Variants in HDAC4 observed in about 807,000 individuals in gnomAD.
HDAC4 encodes histone deacetylase A.
In HDAC4, 16 loss-of-function variants were observed where a neutral mutation model predicts 135.1. That is an observed-to-expected ratio of 0.12 (90% confidence interval 0.08 to 0.18). HDAC4 has a LOEUF of 0.18. Among genes scored for constraint, HDAC4 ranks in the 10% least tolerant of loss-of-function variants. The probability of loss-of-function intolerance (pLI) is 1.00; values close to 1 mark genes in which losing one functional copy is unlikely to be tolerated. For missense variants in HDAC4, 1,143 were observed against 1,511.8 expected (o/e 0.76, Z 4.05); for synonymous variants, 685 against 653.4 (o/e 1.05, Z -0.74).
chr2:239,084,033 C>T (rs1427097006), intron 20 of HDAC4, 122 bp downstream of exon 20: 3 of 743,548 alleles, frequency 4.0e-6, no homozygotes, highest in Non-Finnish European at 7.2e-6. Context: ...TCTTTGAGAC[C>T]GTTTCCAGAA....
At chr2:239,176,206 C>T (rs1338199675) in intron 5 of HDAC4, among the ~76,000 whole-genome samples, 1 of 151,742 alleles carries the variant, frequency 6.6e-6, no homozygotes, top group Non-Finnish European at 1.5e-5. Context: ...CTCTGCCCGG[C>T]CTTCTGCGCC....
intron 1 of HDAC4, among the ~76,000 whole-genome samples, chr2:239,388,345 A>G (rs937462456): frequency 2.0e-5 from 3 of 152,204 alleles, no homozygotes; most frequent in Non-Finnish European, 4.4e-5. Flanking sequence ...ATCCCAAAGC[A>G]CATTCCTTCT....
rs535225270 is a variant in HDAC4 at position 239,179,379 on chromosome 2, G to A, written c.340-2816C>T. Among the ~76,000 whole-genome samples the A allele has an allele frequency of 4.7e-4, 72 of 152,324 alleles. 1 individual carries two copies. The South Asian group carries it at 0.014, about 31-fold the overall frequency. On this transcript the variant is annotated intron_variant, in intron 4 of 26. Coordinates refer to ENST00000543185, the MANE Select transcript of HDAC4 (RefSeq NM_001378414.1). The stretch of plus-strand genomic sequence containing the variant: ...AAGTGGCAGGCTAGGGAGCATTCCC[G>A]CCAGAGCTCAAGCTCCTGCTGGATC...
intron 2 of HDAC4, among the ~76,000 whole-genome samples, chr2:239,258,703 C>T (rs1329088909): frequency 2.0e-5 from 3 of 152,090 alleles, no homozygotes; most frequent in Non-Finnish European, 2.9e-5. Flanking sequence ...AGGGTTTACA[C>T]GTGTGGATAT....
intron 1 of HDAC4, among the ~76,000 whole-genome samples, chr2:239,384,595 C>A (rs1030954789): frequency 6.6e-6 from 1 of 151,954 alleles, no homozygotes; most frequent in African/African-American, 2.4e-5. Context: ...CCGGCCTGCA[C>A]AACAGATCAA....
At chr2:239,119,152 C>T (rs965703236) in intron 12 of HDAC4, among the ~76,000 whole-genome samples, 12 of 152,280 alleles carry the variant, frequency 7.9e-5, no homozygotes, top group South Asian at 2.1e-4. Flanking sequence ...TGATGTGTAA[C>T]GGGATGTGAC....
At chr2:239,060,378 T>C (rs2032503794) in intron 24 of HDAC4, among the ~76,000 whole-genome samples, 1 of 152,190 alleles carries the variant, frequency 6.6e-6, no homozygotes, top group Non-Finnish European at 1.5e-5. Flanking sequence ...TCTCCCTCTG[T>C]CCATCTGTCT....
chr2:239,060,166 T>C (rs1173770600), intron 24 of HDAC4, among the ~76,000 whole-genome samples: 3 of 152,322 alleles, frequency 2.0e-5, no homozygotes, highest in African/African-American at 7.2e-5. Context: ...AGGAGCGCAC[T>C]GATGGGACTC....
At chr2:239,239,369 G>T (rs943063859) in intron 2 of HDAC4, among the ~76,000 whole-genome samples, 2 of 152,232 alleles carry the variant, frequency 1.3e-5, no homozygotes, top group African/African-American at 4.8e-5. Context: ...GTCTGGAGGG[G>T]TCCTGAGTGC....
chr2:239,212,554 TAA>T (rs970128078), intron 3 of HDAC4, among the ~76,000 whole-genome samples: 17 of 152,156 alleles, frequency 1.1e-4, no homozygotes, highest in African/African-American at 4.1e-4. Context: ...GGCTGAGCTA[TAA>T]AGAGCATGTG....
chr2:239,053,123 GCTC>G lies in HDAC4; in HGVS notation c.3241_3243del (p.Glu1081del), dbSNP rs772912299. 3.7e-6 allele frequency: 6 copies of G among 1,614,078 alleles called. No individual in the cohort carries two copies. The highest frequency in any genetic ancestry group is 3.3e-5 in the South Asian group (3 of 91,094). On this transcript the variant is annotated inframe_deletion, in exon 27 of 27. Coordinates refer to ENST00000543185, the MANE Select transcript of HDAC4 (RefSeq NM_001378414.1). ...TACAGGGGCGGCTCCTCTTCCATGG[GCTC>G]CTCATCTGGTCTGTGGATCCCGCAA...
At chr2:239,193,947 A>G (rs2045188119) in intron 3 of HDAC4, among the ~76,000 whole-genome samples, 1 of 152,244 alleles carries the variant, frequency 6.6e-6, no homozygotes, top group African/African-American at 2.4e-5. Flanking sequence ...TCAGGGTCAG[A>G]GGCAAAATTC....
At chr2:239,277,484 G>A (rs754104288) in intron 2 of HDAC4, among the ~76,000 whole-genome samples, 2 of 152,206 alleles carry the variant, frequency 1.3e-5, no homozygotes, top group Admixed American at 6.5e-5. Context: ...TATGGTCTCT[G>A]CGCTGTTGGT....
At chr2:239,258,035 G>A (rs539500576) in intron 2 of HDAC4, among the ~76,000 whole-genome samples, 13 of 152,234 alleles carry the variant, frequency 8.5e-5, no homozygotes, top group African/African-American at 2.2e-4. Flanking sequence ...AAGATCCTGC[G>A]GCAGTTTTAG....
At chr2:239,251,364 C>T (rs774896859) in intron 2 of HDAC4, among the ~76,000 whole-genome samples, 1 of 151,964 alleles carries the variant, frequency 6.6e-6, no homozygotes, top group Non-Finnish European at 1.5e-5. Context: ...AGGAATGAGG[C>T]GGGAATATTG....
rs547531274 is a variant in HDAC4 at position 239,282,119 on chromosome 2, C to A, written c.23-45455G>T. On this transcript the variant is annotated intron_variant, in intron 2 of 26. Transcript: ENST00000543185. Reference sequence around the variant, plus strand: ...TGAACACCCCACTCTACACACCACTCTACAATGTACACACCATGCTACAAT... The same window carrying A: ...TGAACACCCCACTCTACACACCACTATACAATGTACACACCATGCTACAAT... Among the ~76,000 whole-genome samples, 21 of 149,924 alleles carry A rather than the reference C, an allele frequency of 1.4e-4. No individual in the cohort carries two copies. In the East Asian group the frequency reaches 4.0e-3, roughly 29 times the overall value.
chr2:239,219,290 T>TA (rs927149255), intron 3 of HDAC4, among the ~76,000 whole-genome samples: 1 of 152,010 alleles, frequency 6.6e-6, no homozygotes, highest in African/African-American at 2.4e-5. Context: ...TATGCAGCCA[T>TA]AAAAAATGAT....
chr2:239,142,503 C>T (rs538009940), intron 8 of HDAC4, among the ~76,000 whole-genome samples: 4 of 152,254 alleles, frequency 2.6e-5, no homozygotes, highest in Non-Finnish European at 5.9e-5. Context: ...AGTGCAAATG[C>T]CACCTTCTGC....
chr2:239,292,008 A>T (rs569159891), intron 2 of HDAC4, among the ~76,000 whole-genome samples: 11 of 152,268 alleles, frequency 7.2e-5, no homozygotes, highest in African/African-American at 2.4e-4. Flanking sequence ...CAGCCACGCC[A>T]GGGGCTGCGC....
Sources: gnomAD v4.1 joint callset for allele counts (sites outside exome capture counted in the v4.1 genomes callset) on GRCh38, gnomAD v4.1.1 for gene constraint, MANE v1.5 for transcripts, NCBI Gene and HGNC (gene_info 2026-07-23, HGNC 2026-07-21) for gene names.